The following ARHGAP15 variants were observed in gnomAD, a reference collection of about 807,000 sequenced individuals.
The protein encoded by ARHGAP15 is Rho GTPase activating protein 15, also known as rho GTPase-activating protein 15.
A neutral mutation model predicts 63.7 loss-of-function variants in ARHGAP15; 51 were observed. The observed-to-expected ratio is 0.80, with a 90% CI of 0.64 to 1.01. The LOEUF (loss-of-function observed/expected upper bound fraction) is 1.01, where lower values mean the gene tolerates loss of function less well. Ranked by LOEUF, ARHGAP15 falls within the 50% of genes least tolerant of loss-of-function variation. The pLI is 0.00. For synonymous variants in ARHGAP15, 191 were observed against 193.8 expected, an observed-to-expected ratio of 0.99 and a Z score of 0.12; for missense variants, 560 against 564.6, an observed-to-expected ratio of 0.99 and a Z score of 0.08.
intron 5 of ARHGAP15, among the ~76,000 whole-genome samples, chr2:143,232,273 A>G (rs1341321812): frequency 6.6e-6 from 1 of 152,208 alleles, no homozygotes; most frequent in Non-Finnish European, 1.5e-5. Flanking sequence ...AATCCAAAAA[A>G]TAGAAAGGAT....
chr2:143,664,078 G>A (rs1682004338), intron 12 of ARHGAP15, among the ~76,000 whole-genome samples: 1 of 151,816 alleles, frequency 6.6e-6, no homozygotes, highest in South Asian at 2.1e-4. Flanking sequence ...GACATCTACA[G>A]AACTCTCCAC....
At chr2:143,337,100 G>A (rs1558903210) in intron 6 of ARHGAP15, among the ~76,000 whole-genome samples, 2 of 152,100 alleles carry the variant, frequency 1.3e-5, no homozygotes, top group Non-Finnish European at 2.9e-5. Flanking sequence ...CGGTGAGGTG[G>A]AAAGGGCAGA....
chr2:143,525,522 A>G lies in ARHGAP15; in HGVS notation c.925+6158A>G, dbSNP rs192173990. On this transcript the variant is annotated intron_variant, in intron 10 of 13. Transcript: ENST00000295095. ...TGTTAGGCATCTGCATGCATTTACA[A>G]TGGAGGTGATCTTAAAGAAGCTCCA... Among the ~76,000 whole-genome samples the G allele has an allele frequency of 2.4e-4, 37 of 152,046 alleles. No individual in the cohort carries two copies. In the East Asian group the frequency reaches 7.0e-3, roughly 29 times the overall value.
In ARHGAP15 at chr2:143,188,613, CATTATTATTATTATTATTATT is replaced by C. The variant is rs143767405; in HGVS notation, c.166-13499_166-13479del. On this transcript the variant is annotated intron_variant, in intron 2 of 13. Coordinates refer to ENST00000295095, the MANE Select transcript of ARHGAP15 (RefSeq NM_018460.4). ...GTGTTCCTGTGCCTTATTATTTTGT[CATTATTATTATTATTATTATT>C]ATTATTATTATTATTATTATTTGTC... Among the ~76,000 whole-genome samples, 74 of 140,832 alleles carry C rather than the reference CATTATTATTATTATTATTATT, an allele frequency of 5.3e-4. 1 individual carries two copies. The South Asian group carries it at 0.013, about 25-fold the overall frequency. 92.4% of individuals were successfully genotyped at this position (140,832 alleles called of 152,430 possible).
At chr2:143,542,334 C>T (rs199561226) in intron 10 of ARHGAP15, among the ~76,000 whole-genome samples, 18 of 152,072 alleles carry the variant, frequency 1.2e-4, no homozygotes, top group South Asian at 2.1e-4. Flanking sequence ...CCGGGTGAGG[C>T]GATGCCTCGC....
Position 143,651,349 on chromosome 2 carries a change from T to C in ARHGAP15, c.1138+27082T>C, listed in dbSNP as rs547246685. On this transcript the variant is annotated intron_variant, in intron 12 of 13. Coordinates refer to ENST00000295095, the MANE Select transcript of ARHGAP15 (RefSeq NM_018460.4). Reference sequence around the variant, plus strand: ...AAATAATTTGCTTTTTTATCTGGTTTATTTTATGTAGAACAATTTATTTTA... The same window carrying C: ...AAATAATTTGCTTTTTTATCTGGTTCATTTTATGTAGAACAATTTATTTTA... Among the ~76,000 whole-genome samples, 15 of 152,114 alleles carry C rather than the reference T, an allele frequency of 9.9e-5. No homozygotes were observed. In the East Asian group the frequency reaches 2.9e-3, roughly 29 times the overall value.
intron 12 of ARHGAP15, among the ~76,000 whole-genome samples, chr2:143,628,401 C>A (rs1256567684): frequency 6.6e-6 from 1 of 152,174 alleles, no homozygotes; most frequent in East Asian, 1.9e-4. Context: ...TTTGAGAAAT[C>A]TCCAAACTTA....
At chr2:143,765,107 A>ATGTGTG (rs1491302215) in intron 13 of ARHGAP15, among the ~76,000 whole-genome samples, 3 of 110,324 alleles carry the variant, frequency 2.7e-5, no homozygotes, top group African/African-American at 1.3e-4. Context: ...TGCCTCTAAA[A>ATGTGTG]TATGTGTGTG....
intron 13 of ARHGAP15, among the ~76,000 whole-genome samples, chr2:143,749,259 G>A (rs534424186): frequency 2.0e-5 from 3 of 152,224 alleles, no homozygotes; most frequent in Non-Finnish European, 2.9e-5. Context: ...GCTAACACCC[G>A]GCTCCGAGAA....
chr2:143,267,658 G>A (rs972812833), intron 6 of ARHGAP15, among the ~76,000 whole-genome samples: 1 of 152,104 alleles, frequency 6.6e-6, no homozygotes, highest in African/African-American at 2.4e-5. Context: ...GTAAATGAAT[G>A]TATGTTATAC....
intron 8 of ARHGAP15, among the ~76,000 whole-genome samples, chr2:143,474,051 C>T (rs1182393324): frequency 1.3e-5 from 2 of 152,120 alleles, no homozygotes; most frequent in Non-Finnish European, 2.9e-5. Context: ...TAGCTCAATC[C>T]TCTATATTCC....
At chr2:143,283,653 G>A (rs1265246374) in intron 6 of ARHGAP15, among the ~76,000 whole-genome samples, 1 of 152,036 alleles carries the variant, frequency 6.6e-6, no homozygotes, top group African/African-American at 2.4e-5. Flanking sequence ...ATAATATTAA[G>A]GCTTTACTTC....
At chr2:143,545,958 C>T (rs540954010) in intron 10 of ARHGAP15, among the ~76,000 whole-genome samples, 3 of 152,318 alleles carry the variant, frequency 2.0e-5, no homozygotes, top group African/African-American at 7.2e-5. Context: ...CTCGCGACTT[C>T]TCTGTAAAAG....
chr2:143,486,976 A>G (rs547378706), intron 8 of ARHGAP15, among the ~76,000 whole-genome samples: 134 of 152,304 alleles, frequency 8.8e-4, no homozygotes, highest in Non-Finnish European at 2.1e-4. Context: ...TGCATTAGCT[A>G]GGGATGGTAT....
chr2:143,409,081 T>C (rs577138109), intron 6 of ARHGAP15, among the ~76,000 whole-genome samples: 19 of 152,184 alleles, frequency 1.2e-4, no homozygotes, highest in African/African-American at 4.3e-4. Context: ...TGACACTTTT[T>C]ATTTTTTCAG....
chr2:143,673,722 T>TTGTGTGTGTGTGTG lies in ARHGAP15; in HGVS notation c.1139-29673_1139-29660dup, dbSNP rs70982878. Among the ~76,000 whole-genome samples, 14 of 54,664 alleles carry TTGTGTGTGTGTGTG rather than the reference T, an allele frequency of 2.6e-4. 1 individual carries two copies. Among genetic ancestry groups the TTGTGTGTGTGTGTG allele is most frequent in the African/African-American group, 4.7e-4 (10 of 21,132 alleles). 35.9% of individuals were successfully genotyped at this position (54,664 alleles called of 152,430 possible). A position where few individuals can be genotyped will look rare whatever the true frequency, so the allele number is the denominator to read the frequency against. On this transcript the variant is annotated intron_variant, in intron 12 of 13. Transcript: ENST00000295095. ...ACAAATATCTGATAAAGGCCTTATA[T>TTGTGTGTGTGTGTG]TGTGTGTGTGTGTGTGTGTGTGTGT... is the stretch of plus-strand genomic sequence containing the variant.
At chr2:143,233,965 G>A (rs1693544989) in intron 5 of ARHGAP15, among the ~76,000 whole-genome samples, 1 of 152,022 alleles carries the variant, frequency 6.6e-6, no homozygotes, top group African/African-American at 2.4e-5. Context: ...CTTTTCAAAT[G>A]TAGCCCTTTT....
chr2:143,532,351 T>C (rs558547914), intron 10 of ARHGAP15, among the ~76,000 whole-genome samples: 3 of 152,302 alleles, frequency 2.0e-5, no homozygotes, highest in East Asian at 1.9e-4. Flanking sequence ...AAAACTAATA[T>C]AGTGAAAGCT....
chr2:143,521,332 G>T (rs139321061), intron 10 of ARHGAP15, among the ~76,000 whole-genome samples: 2 of 152,272 alleles, frequency 1.3e-5, no homozygotes, highest in African/African-American at 4.8e-5. Flanking sequence ...AGATTTACAA[G>T]TGTGTACTTT....
Sources: gnomAD v4.1 joint callset for allele counts (sites outside exome capture counted in the v4.1 genomes callset) on GRCh38, gnomAD v4.1.1 for gene constraint, MANE v1.5 for transcripts, NCBI Gene and HGNC (gene_info 2026-07-23, HGNC 2026-07-21) for gene names.